The following SSBP2 variants were observed in gnomAD, a reference collection of about 807,000 sequenced individuals.
SSBP2 encodes single stranded DNA binding protein 2.
SSBP2 carries 17 observed loss-of-function variants against 61.8 expected under a neutral mutation model. The observed-to-expected ratio is 0.28, with a 90% confidence interval of 0.19 to 0.41. SSBP2 has a LOEUF of 0.41. SSBP2 is among the 10% of genes least tolerant of loss of function. SSBP2 has a pLI of 1.00. For synonymous variants in SSBP2, 139 were observed against 141.3 expected, an observed-to-expected ratio of 0.98 and a Z score of 0.12; for missense variants, 310 against 458.7, an observed-to-expected ratio of 0.68 and a Z score of 2.96.
At chr5:81,461,980 T>C (rs182240754) in intron 9 of SSBP2, among the ~76,000 whole-genome samples, 1 of 152,214 alleles carries the variant, frequency 6.6e-6, no homozygotes, top group East Asian at 1.9e-4. Context: ...CATTTAAAAT[T>C]CCCCTTCATT....
intron 1 of SSBP2, among the ~76,000 whole-genome samples, chr5:81,722,143 G>A (rs1034561884): frequency 6.6e-6 from 1 of 151,814 alleles, no homozygotes; most frequent in African/African-American, 2.4e-5. Flanking sequence ...AAATGCTAAC[G>A]AAAAATAAAA....
At chr5:81,680,248 T>C (rs1390940489) in intron 1 of SSBP2, among the ~76,000 whole-genome samples, 1 of 150,548 alleles carries the variant, frequency 6.6e-6, no homozygotes, top group Non-Finnish European at 1.5e-5. Context: ...TCCATAATCA[T>C]ATGAGCCAAT....
At chr5:81,733,954 G>A (rs1309100382) in intron 1 of SSBP2, among the ~76,000 whole-genome samples, 1 of 152,026 alleles carries the variant, frequency 6.6e-6, no homozygotes, top group African/African-American at 2.4e-5. Flanking sequence ...AGTATCATCA[G>A]CCTTGCAATT....
chr5:81,533,457 C>T (rs1202345086), intron 4 of SSBP2, among the ~76,000 whole-genome samples: 1 of 152,034 alleles, frequency 6.6e-6, no homozygotes, highest in Non-Finnish European at 1.5e-5. Context: ...CAACATCCCT[C>T]ATAAATGTAG....
chr5:81,552,744 C>T (rs746544246), intron 4 of SSBP2, among the ~76,000 whole-genome samples: 2 of 150,134 alleles, frequency 1.3e-5, no homozygotes, highest in Non-Finnish European at 3.0e-5. Context: ...ATTGGTAGAA[C>T]AAAAATACAG....
At chr5:81,543,374 C>T (rs1234459839) in intron 4 of SSBP2, among the ~76,000 whole-genome samples, 3 of 152,116 alleles carry the variant, frequency 2.0e-5, no homozygotes, top group Non-Finnish European at 4.4e-5. Context: ...CAGCTGGAGG[C>T]CATTATTTTA....
At chr5:81,715,880 G>A (rs745953062) in intron 1 of SSBP2, among the ~76,000 whole-genome samples, 3 of 151,908 alleles carry the variant, frequency 2.0e-5, no homozygotes, top group Non-Finnish European at 4.4e-5. Context: ...AGTATACTGA[G>A]ATCTTGTCTC....
At chr5:81,736,214 C>G (rs752742069) in intron 1 of SSBP2, among the ~76,000 whole-genome samples, 1 of 149,932 alleles carries the variant, frequency 6.7e-6, no homozygotes, top group Non-Finnish European at 1.5e-5. Context: ...GAATTTTTTG[C>G]TTCTAGAAAC....
intron 5 of SSBP2, among the ~76,000 whole-genome samples, chr5:81,507,250 G>C (rs893887258): frequency 6.6e-6 from 1 of 152,084 alleles, no homozygotes; most frequent in Non-Finnish European, 1.5e-5. Context: ...CTATATCAGA[G>C]TTTCATTCTA....
At position 81,420,416 on chromosome 5, in the gene SSBP2, C is replaced by T. The variant is rs1761524478; in HGVS notation, c.*88G>A. 6 of 1,284,870 alleles carry T rather than the reference C, an allele frequency of 4.7e-6. No individual in the cohort carries two copies. Among genetic ancestry groups the T allele is most frequent in the East Asian group, 2.3e-5 (1 of 42,950 alleles). The allele number at this position is 1,284,870 out of a possible 1,614,324, so 79.6% of individuals were successfully genotyped here. A position where few individuals can be genotyped will look rare whatever the true frequency, so the allele number is the denominator to read the frequency against. ...GTGTGACTGAGATTCCTTTGTTTAA[C>T]TGTACACTGTGATGAATAATTTTCT... On this transcript the variant is annotated 3_prime_UTR_variant, in exon 17 of 17. Coordinates refer to ENST00000320672, the MANE Select transcript of SSBP2 (RefSeq NM_012446.5).
intron 1 of SSBP2, among the ~76,000 whole-genome samples, chr5:81,685,665 G>A (rs1581342166): frequency 6.6e-6 from 1 of 152,106 alleles, no homozygotes; most frequent in East Asian, 1.9e-4. Flanking sequence ...GGAAGCACAG[G>A]TGTTTTCACC....
At chr5:81,517,603 G>A (rs936183693) in intron 4 of SSBP2, among the ~76,000 whole-genome samples, 2 of 151,828 alleles carry the variant, frequency 1.3e-5, no homozygotes, top group African/African-American at 4.8e-5. Flanking sequence ...TGTTCAGTTT[G>A]TGTGGTCATC....
intron 6 of SSBP2, among the ~76,000 whole-genome samples, chr5:81,481,617 T>C (rs1464521953): frequency 1.6e-5 from 2 of 122,054 alleles, no homozygotes; most frequent in Admixed American, 7.9e-5. Context: ...TGAAACTACA[T>C]CTAAAAAAAA....
chr5:81,571,961 C>T (rs1254616593), intron 4 of SSBP2, among the ~76,000 whole-genome samples: 2 of 152,100 alleles, frequency 1.3e-5, no homozygotes, highest in African/African-American at 4.8e-5. Context: ...TCCAACTCTT[C>T]TACCTCAGTG....
chr5:81,568,998 T>C (rs569685099), intron 4 of SSBP2, among the ~76,000 whole-genome samples: 1 of 152,230 alleles, frequency 6.6e-6, no homozygotes, highest in South Asian at 2.1e-4. Flanking sequence ...CTTGATGAAA[T>C]ATCAAAGTCT....
intron 1 of SSBP2, among the ~76,000 whole-genome samples, chr5:81,738,137 A>G (rs956800558): frequency 2.6e-5 from 4 of 152,188 alleles, no homozygotes; most frequent in African/African-American, 9.7e-5. Flanking sequence ...AGCAAAACTG[A>G]TCTATGCTGT....
At chr5:81,526,468 T>C (rs1466746369) in intron 4 of SSBP2, among the ~76,000 whole-genome samples, 1 of 152,006 alleles carries the variant, frequency 6.6e-6, no homozygotes, top group Non-Finnish European at 1.5e-5. Flanking sequence ...GTTTATTTTT[T>C]GGAAGCAGAC....
intron 1 of SSBP2, among the ~76,000 whole-genome samples, chr5:81,745,108 A>G (rs1757271714): frequency 6.6e-6 from 1 of 152,168 alleles, no homozygotes; most frequent in Non-Finnish European, 1.5e-5. Flanking sequence ...TGTTAAAGTT[A>G]TCTGGAAAAA....
At chr5:81,749,255 T>C (rs867202422) in intron 1 of SSBP2, among the ~76,000 whole-genome samples, 1 of 152,226 alleles carries the variant, frequency 6.6e-6, no homozygotes, top group African/African-American at 2.4e-5. Context: ...AGATCCTGAA[T>C]GCAGCTCAGA....
Sources: gnomAD v4.1 joint callset for allele counts (sites outside exome capture counted in the v4.1 genomes callset) on GRCh38, gnomAD v4.1.1 for gene constraint, MANE v1.5 for transcripts, NCBI Gene and HGNC (gene_info 2026-07-23, HGNC 2026-07-21) for gene names.